Variants in GRID2 observed in about 807,000 individuals in gnomAD.
GRID2 encodes glutamate ionotropic receptor delta type subunit 2, also known as glutamate receptor ionotropic, delta-2.
Under a neutral mutation model 114.8 loss-of-function variants are expected in GRID2, and 33 were observed. The observed-to-expected ratio is 0.29, with a 90% confidence interval of 0.22 to 0.38. The LOEUF (loss-of-function observed/expected upper bound fraction) is 0.38. GRID2 is among the 10% of genes least tolerant of loss of function. The probability of loss-of-function intolerance (pLI) is 1.00; values close to 1 mark genes in which losing one functional copy is unlikely to be tolerated. For synonymous variants in GRID2, 505 were observed against 449.9 expected, an observed-to-expected ratio of 1.12 and a Z score of -1.55; for missense variants, 1,184 against 1,257.7, an observed-to-expected ratio of 0.94 and a Z score of 0.89.
intron 2 of GRID2, among the ~76,000 whole-genome samples, chr4:92,798,528 C>T (rs1331553063): frequency 6.6e-6 from 1 of 151,890 alleles, no homozygotes; most frequent in Non-Finnish European, 1.5e-5. Flanking sequence ...ATATGCATGC[C>T]CCTTAAGAGA....
intron 1 of GRID2, among the ~76,000 whole-genome samples, chr4:92,418,731 C>A (rs538296836): frequency 6.6e-6 from 1 of 152,058 alleles, no homozygotes; most frequent in South Asian, 2.1e-4. Flanking sequence ...TCCTTCCACA[C>A]CCCCCTAAAA....
At chr4:92,435,897 C>T (rs1308564191) in intron 1 of GRID2, among the ~76,000 whole-genome samples, 3 of 152,094 alleles carry the variant, frequency 2.0e-5, no homozygotes, top group East Asian at 1.9e-4. Context: ...TGACAGACTA[C>T]GTTCTTTTTA....
intron 4 of GRID2, chr4:93,164,766 G>T: frequency 4.8e-6 from 2 of 420,610 alleles, no homozygotes; most frequent in South Asian, 3.3e-5. Flanking sequence ...AGGGAGGAAA[G>T]AATGTGAGTG....
intron 1 of GRID2, among the ~76,000 whole-genome samples, chr4:92,379,117 G>A (rs191487917): frequency 6.6e-6 from 1 of 151,898 alleles, no homozygotes; most frequent in East Asian, 1.9e-4. Context: ...TATGCAAAAT[G>A]ACAACTAAAT....
chr4:92,874,715 T>C (rs1329925389), intron 2 of GRID2, among the ~76,000 whole-genome samples: 1 of 152,200 alleles, frequency 6.6e-6, no homozygotes, highest in Non-Finnish European at 1.5e-5. Context: ...ACCCATTTAA[T>C]GCACGCCATG....
intron 14 of GRID2, among the ~76,000 whole-genome samples, chr4:93,733,287 T>C (rs1017622518): frequency 5.3e-5 from 8 of 152,104 alleles, no homozygotes; most frequent in Non-Finnish European, 1.2e-4. Context: ...CATAGGAGAA[T>C]TAGCATATGG....
intron 1 of GRID2, among the ~76,000 whole-genome samples, chr4:92,347,010 T>G (rs1000269386): frequency 6.6e-6 from 1 of 152,236 alleles, no homozygotes; most frequent in East Asian, 1.9e-4. Context: ...CCAGAAAATA[T>G]GTTCTGCTTT....
chr4:92,597,051 C>T (rs921338937), intron 2 of GRID2, among the ~76,000 whole-genome samples: 1 of 151,896 alleles, frequency 6.6e-6, no homozygotes, highest in Non-Finnish European at 1.5e-5. Flanking sequence ...TCAGGAAAGA[C>T]AGGTATTTTC....
At chr4:92,764,179 G>C (rs1424582331) in intron 2 of GRID2, among the ~76,000 whole-genome samples, 1 of 152,086 alleles carries the variant, frequency 6.6e-6, no homozygotes, top group Non-Finnish European at 1.5e-5. Context: ...CACACCACTG[G>C]CGAGAATTCA....
intron 1 of GRID2, among the ~76,000 whole-genome samples, chr4:92,487,143 A>G (rs1215603452): frequency 1.3e-5 from 2 of 151,682 alleles, no homozygotes; most frequent in Non-Finnish European, 3.0e-5. Flanking sequence ...TCATTTTCCT[A>G]TTGCGTTTCT....
chr4:92,998,700 G>A (rs1755354383), intron 2 of GRID2, among the ~76,000 whole-genome samples: 1 of 151,210 alleles, frequency 6.6e-6, no homozygotes, highest in Non-Finnish European at 1.5e-5. Context: ...TTTTTTTCAA[G>A]AGGGTCCATG....
At chr4:93,253,742 T>C (rs1045320562) in intron 8 of GRID2, among the ~76,000 whole-genome samples, 1 of 152,168 alleles carries the variant, frequency 6.6e-6, no homozygotes, top group African/African-American at 2.4e-5. Context: ...TTCTGTCAAA[T>C]TCCAAATAAT....
At chr4:93,758,988 G>A (rs1296444984) in intron 14 of GRID2, among the ~76,000 whole-genome samples, 1 of 151,992 alleles carries the variant, frequency 6.6e-6, no homozygotes, top group Admixed American at 6.6e-5. Flanking sequence ...CTATCTCAGT[G>A]GGAGCCATTG....
intron 14 of GRID2, among the ~76,000 whole-genome samples, chr4:93,752,480 C>T (rs914491506): frequency 1.2e-4 from 19 of 152,174 alleles, no homozygotes; most frequent in African/African-American, 4.3e-4. Flanking sequence ...ACACCCTTCT[C>T]CTGCCTCAGC....
intron 4 of GRID2, among the ~76,000 whole-genome samples, chr4:93,154,431 C>CCTTTATCT (rs536112006): frequency 9.1e-4 from 138 of 152,004 alleles, no homozygotes; most frequent in African/African-American, 3.2e-3. Context: ...GCTAACCTTG[C>CCTTTATCT]CTTTATCTCT....
chr4:93,339,787 G>A (rs1364952767), intron 8 of GRID2, among the ~76,000 whole-genome samples: 2 of 152,112 alleles, frequency 1.3e-5, no homozygotes, highest in East Asian at 1.9e-4. Context: ...GGCTGGGGAG[G>A]CCTCAGGAAA....
chr4:92,545,021 C>A (rs1726172946), intron 1 of GRID2, among the ~76,000 whole-genome samples: 1 of 151,688 alleles, frequency 6.6e-6, no homozygotes. Flanking sequence ...ATTTGGGGAG[C>A]CACTTGCTTT....
At chr4:93,766,192 C>T (rs778198996) in intron 14 of GRID2, among the ~76,000 whole-genome samples, 14 of 152,146 alleles carry the variant, frequency 9.2e-5, no homozygotes, top group Non-Finnish European at 2.9e-5. Context: ...CTTACACTTT[C>T]ACAGTGTATT....
At chr4:92,529,084 C>G (rs779624277) in intron 1 of GRID2, among the ~76,000 whole-genome samples, 1 of 152,012 alleles carries the variant, frequency 6.6e-6, no homozygotes, top group Non-Finnish European at 1.5e-5. Context: ...CAGAAACCAA[C>G]GCTGAACTTC....
Sources: allele counts gnomAD v4.1 joint callset (sites outside exome capture counted in the v4.1 genomes callset), GRCh38; gene constraint gnomAD v4.1.1; transcripts MANE v1.5; gene names NCBI Gene and HGNC (gene_info 2026-07-23, HGNC 2026-07-21).